Variants in BPNT1 observed in about 807,000 individuals in gnomAD.
The protein encoded by BPNT1 is 3'(2'),5'-bisphosphate nucleotidase 1.
Under a neutral mutation model 36.9 loss-of-function variants are expected in BPNT1, and 28 were observed. The observed-to-expected ratio is 0.76, with a 90% confidence interval of 0.56 to 1.04. BPNT1 has a LOEUF of 1.04. BPNT1 is among the 50% of genes least tolerant of loss of function. The probability of loss-of-function intolerance (pLI) is 0.00; values close to 1 mark genes in which losing one functional copy is unlikely to be tolerated. For missense variants in BPNT1, 313 were observed against 372.9 expected, an observed-to-expected ratio of 0.84 and a Z score of 1.32; for synonymous variants, 119 against 130.9, an observed-to-expected ratio of 0.91 and a Z score of 0.62.
In BPNT1 at chr1:220,062,780, G is replaced by A; in HGVS notation, c.649C>T (p.Arg217Ter). The stretch of plus-strand genomic sequence containing the variant: ...ACCTTATTTCCTGCTCCTCCTACTC[G>A]CAGCACAGCATCGGGGTTCATAGCA... Reference protein sequence around the residue: ...VAAMNPDAVLRVGGAGNKIIQ... With the variant: ...VAAMNPDAVL The change falls in exon 7 of 9, where the codon CGA becomes TGA. Residue 217 changes from arginine to a stop codon, truncating the protein, a stop_gained. Transcript: ENST00000322067. LOFTEE classifies it high-confidence loss of function. 8 of 1,614,080 alleles carry A rather than the reference G, an allele frequency of 5.0e-6. No individual in the cohort carries two copies. The highest frequency in any genetic ancestry group is 5.9e-6 in the Non-Finnish European group (7 of 1,179,992).
chr1:220,089,140 G>C (rs12408053), intron 1 of BPNT1, among the ~76,000 whole-genome samples: 1 of 111,424 alleles, frequency 9.0e-6, no homozygotes, highest in Non-Finnish European at 2.2e-5. Context: ...GAGGAGGAAG[G>C]AGGAGGAAGA....
chr1:220,062,649 G>C (rs1571730785), intron 7 of BPNT1, 108 bp downstream of exon 7: 2 of 1,154,500 alleles, frequency 1.7e-6, no homozygotes, highest in East Asian at 4.8e-5. Flanking sequence ...AGTCCTTTGG[G>C]TATATACCCA....
intron 1 of BPNT1, among the ~76,000 whole-genome samples, chr1:220,088,478 C>CAAAAAAAA (rs58383315): frequency 1.5e-5 from 1 of 65,550 alleles, no homozygotes. Context: ...GACTCCGACT[C>CAAAAAAAA]AAAAAAAAAA....
intron 1 of BPNT1, among the ~76,000 whole-genome samples, chr1:220,088,010 T>G (rs886283960): frequency 1.3e-5 from 2 of 151,994 alleles, no homozygotes; most frequent in East Asian, 3.9e-4. Context: ...CCCGAGTAGC[T>G]GGGATTACAG....
intron 2 of BPNT1, among the ~76,000 whole-genome samples, chr1:220,074,849 T>C (rs1263674292): frequency 1.3e-5 from 2 of 152,170 alleles, no homozygotes; most frequent in Non-Finnish European, 2.9e-5. Context: ...GCTGTAATAT[T>C]TAACATATAG....
At chr1:220,086,605 T>C (rs1655750280) in intron 1 of BPNT1, among the ~76,000 whole-genome samples, 1 of 151,354 alleles carries the variant, frequency 6.6e-6, no homozygotes, top group Non-Finnish European at 1.5e-5. Flanking sequence ...AGACAGAGTC[T>C]CACTCTGTTG....
Position 220,057,870 on chromosome 1 carries a change from A to G in BPNT1, c.*974T>C, listed in dbSNP as rs750607587. On this transcript the variant is annotated 3_prime_UTR_variant, in exon 9 of 9. Coordinates refer to ENST00000322067, the MANE Select transcript of BPNT1 (RefSeq NM_006085.6). ...AAACAAGAGTGAGATTCCAGAAAAA[A>G]TTGTGCCCTAAAGAAATCTGGTTTA... 1.5e-6 allele frequency: 2 copies of G among 1,303,220 alleles called. No individual in the cohort carries two copies. Among genetic ancestry groups the G allele is most frequent in the Non-Finnish European group, 1.0e-6 (1 of 988,534 alleles). 80.7% of individuals were successfully genotyped at this position (1,303,220 alleles called of 1,614,324 possible). A position where few individuals can be genotyped will look rare whatever the true frequency, so the allele number is the denominator to read the frequency against.
Position 220,089,734 on chromosome 1 carries a change from T to C in BPNT1, c.-57A>G, listed in dbSNP as rs1027041019. The stretch of plus-strand genomic sequence containing the variant: ...CACTTCAGGAGGAGCAAAAGCGCGT[T>C]ATCGTAGACCCAGGTCCCTCGTTGT... On this transcript the variant is annotated 5_prime_UTR_variant, in exon 1 of 9. The change creates a new upstream start codon in the 5' untranslated region. Transcript: ENST00000322067. The C allele has an allele frequency of 6.6e-6, 1 of 152,278 alleles. No individual in the cohort carries two copies. Among genetic ancestry groups the C allele is most frequent in the Non-Finnish European group, 1.5e-5 (1 of 68,062 alleles). The allele number at this position is 152,278 out of a possible 1,614,324, so 9.4% of individuals were successfully genotyped here.
At position 220,078,299 on chromosome 1, in the gene BPNT1, G is replaced by T. The variant is rs1288264267; in HGVS notation, c.120+1428C>A. 3.5e-5 allele frequency among the ~76,000 whole-genome samples: 5 copies of T among 141,216 alleles called. No homozygotes were observed. The East Asian group carries it at 1.0e-3, about 28-fold the overall frequency. 92.6% of individuals were successfully genotyped at this position (141,216 alleles called of 152,430 possible). ...GAAGTAATTACCAAATCCCAAGGAA[G>T]ATTTATATATATATAATATATATAA... On this transcript the variant is annotated intron_variant, in intron 2 of 8. Coordinates refer to ENST00000322067, the MANE Select transcript of BPNT1 (RefSeq NM_006085.6).
chr1:220,075,252 C>CA (rs1186250615), intron 2 of BPNT1, among the ~76,000 whole-genome samples: 1 of 152,146 alleles, frequency 6.6e-6, no homozygotes, highest in Non-Finnish European at 1.5e-5. Context: ...CCATATTGGC[C>CA]AGGCTGGTCT....
At chr1:220,078,818 G>C (rs1468877981) in intron 2 of BPNT1, among the ~76,000 whole-genome samples, 1 of 151,882 alleles carries the variant, frequency 6.6e-6, no homozygotes, top group Non-Finnish European at 1.5e-5. Flanking sequence ...GACTGGTCTT[G>C]AACTCCTGAC....
chr1:220,078,562 T>C (rs1571788994), intron 2 of BPNT1, among the ~76,000 whole-genome samples: 1 of 143,828 alleles, frequency 7.0e-6, no homozygotes, highest in Admixed American at 7.3e-5. Flanking sequence ...TATATAAATA[T>C]AATATATATT....
chr1:220,083,867 C>A (rs1655453446), intron 1 of BPNT1, among the ~76,000 whole-genome samples: 1 of 152,116 alleles, frequency 6.6e-6, no homozygotes, highest in Non-Finnish European at 1.5e-5. Context: ...TTTAAGTATT[C>A]TCAGGGGTTC....
intron 1 of BPNT1, among the ~76,000 whole-genome samples, chr1:220,087,706 T>C (rs940242243): frequency 3.3e-5 from 5 of 152,052 alleles, no homozygotes; most frequent in Admixed American, 6.6e-5. Context: ...AAGATCAGTA[T>C]ATAAAAGCTG....
In BPNT1 at chr1:220,062,957, G is replaced by A. The variant is rs373153863; in HGVS notation, c.475-3C>T. On this transcript the variant is annotated splice_polypyrimidine_tract_variant and splice_region_variant and intron_variant, in intron 6 of 8. Coordinates refer to ENST00000322067, the MANE Select transcript of BPNT1 (RefSeq NM_006085.6). ...CCCAACACAGCATCTGGTCCTGCCT[G>A]TGTAAACGAGTGAAACAACAAGACT... is the stretch of plus-strand genomic sequence containing the variant. The A allele has an allele frequency of 5.1e-5, 83 of 1,613,862 alleles. No homozygotes were observed. Among genetic ancestry groups the A allele is most frequent in the South Asian group, 4.7e-4 (43 of 91,076 alleles).
At chr1:220,086,225 G>T (rs1655705127) in intron 1 of BPNT1, among the ~76,000 whole-genome samples, 1 of 152,138 alleles carries the variant, frequency 6.6e-6, no homozygotes, top group Non-Finnish European at 1.5e-5. Context: ...AATCATGGGG[G>T]AAATTCAATT....
Position 220,057,902 on chromosome 1 carries a change from G to A in BPNT1, c.*942C>T. The A allele has an allele frequency of 7.7e-7, 1 of 1,298,340 alleles. No individual in the cohort carries two copies. 80.4% of individuals were successfully genotyped at this position (1,298,340 alleles called of 1,614,324 possible). A position where few individuals can be genotyped will look rare whatever the true frequency, so the allele number is the denominator to read the frequency against. On this transcript the variant is annotated 3_prime_UTR_variant, in exon 9 of 9. Coordinates refer to ENST00000322067, the MANE Select transcript of BPNT1 (RefSeq NM_006085.6). ...CCTAAAGAAATCTGGTTTAGGCCAG[G>A]TGCGGTGGCTCACACCTGTAATCCC... is the stretch of plus-strand genomic sequence containing the variant.
intron 1 of BPNT1, among the ~76,000 whole-genome samples, chr1:220,082,870 A>T (rs1276069313): frequency 6.6e-6 from 1 of 151,852 alleles, no homozygotes; most frequent in African/African-American, 2.4e-5. Flanking sequence ...TATCATCCAC[A>T]CTCTATTGAC....
At chr1:220,073,584 G>A (rs1381227275) in intron 3 of BPNT1, among the ~76,000 whole-genome samples, 1 of 152,128 alleles carries the variant, frequency 6.6e-6, no homozygotes, top group Non-Finnish European at 1.5e-5. Flanking sequence ...GAGCCACTGC[G>A]CCTGGCCTAA....
Sources: gnomAD v4.1 joint callset for allele counts (sites outside exome capture counted in the v4.1 genomes callset) on GRCh38, gnomAD v4.1.1 for gene constraint, MANE v1.5 for transcripts, NCBI Gene and HGNC (gene_info 2026-07-23, HGNC 2026-07-21) for gene names.